IGSF21: variants seen among roughly 807,000 people sequenced by gnomAD.
IGSF21 encodes the protein immunoglobulin superfamily member 21.
In IGSF21, 28 loss-of-function variants were observed where a neutral mutation model predicts 46.8. The ratio of observed to expected loss-of-function variants is 0.60; its 90% CI spans 0.44 to 0.82. The LOEUF (loss-of-function observed/expected upper bound fraction) is 0.82. Ranked by LOEUF, IGSF21 falls within the 40% of genes least tolerant of loss-of-function variation. IGSF21 has a pLI of 0.00. For synonymous variants in IGSF21, 284 were observed against 273.6 expected, an observed-to-expected ratio of 1.04 and a Z score of -0.38; for missense variants, 624 against 665.5, an observed-to-expected ratio of 0.94 and a Z score of 0.69.
chr1:18,117,227 G>T (rs2086196339), intron 1 of IGSF21, among the ~76,000 whole-genome samples: 1 of 152,198 alleles, frequency 6.6e-6, no homozygotes, highest in Non-Finnish European at 1.5e-5. Context: ...TTTGGAGATG[G>T]CCCACTTCTC....
In IGSF21 at chr1:18,206,669, T is replaced by C. The variant is rs114404693; in HGVS notation, c.71-21229T>C. ...AGAGTCCAATGTAGCTGGAGCAGAG[T>C]GGGCCTGAGAAAGTGGTAGAAGTGA... On this transcript the variant is annotated intron_variant, in intron 1 of 9. Transcript: ENST00000251296. Among the ~76,000 whole-genome samples, 400 of 151,382 alleles carry C rather than the reference T, an allele frequency of 2.6e-3. 4 individuals carry two copies. Among genetic ancestry groups the C allele is most frequent in the African/African-American group, 9.6e-3 (396 of 41,180 alleles).
chr1:18,272,634 T>A (rs1488885592), intron 2 of IGSF21, among the ~76,000 whole-genome samples: 1 of 152,202 alleles, frequency 6.6e-6, no homozygotes, highest in African/African-American at 2.4e-5. Context: ...TTTTCCAGCT[T>A]TGGAATGAGT....
intron 1 of IGSF21, among the ~76,000 whole-genome samples, chr1:18,185,170 A>C (rs1180941206): frequency 2.0e-5 from 3 of 152,192 alleles, no homozygotes; most frequent in Non-Finnish European, 4.4e-5. Flanking sequence ...TGTAGGTCCA[A>C]CACTCTGGCT....
At chr1:18,371,287 T>C (rs1410805028) in intron 6 of IGSF21, among the ~76,000 whole-genome samples, 1 of 152,200 alleles carries the variant, frequency 6.6e-6, no homozygotes, top group Admixed American at 6.5e-5. Context: ...AACATGTTGA[T>C]CAGGCTGGGC....
chr1:18,156,682 A>G (rs1005115905), intron 1 of IGSF21, among the ~76,000 whole-genome samples: 1 of 152,226 alleles, frequency 6.6e-6, no homozygotes, highest in Non-Finnish European at 1.5e-5. Context: ...TTAAGGGAAG[A>G]TTCCAAACAA....
At chr1:18,121,559 A>G (rs1165120643) in intron 1 of IGSF21, among the ~76,000 whole-genome samples, 1 of 152,030 alleles carries the variant, frequency 6.6e-6, no homozygotes, top group Non-Finnish European at 1.5e-5. Flanking sequence ...ACCAGTGGCA[A>G]TTTCTTCCCT....
intron 2 of IGSF21, among the ~76,000 whole-genome samples, chr1:18,282,633 C>CAT (rs1287123185): frequency 7.4e-6 from 1 of 135,746 alleles, no homozygotes; most frequent in Non-Finnish European, 1.6e-5. Flanking sequence ...CATCCCCTTA[C>CAT]ATACACACAC....
chr1:18,285,590 G>A (rs772612436), intron 2 of IGSF21, among the ~76,000 whole-genome samples: 8 of 152,152 alleles, frequency 5.3e-5, no homozygotes, highest in Non-Finnish European at 1.0e-4. Context: ...CAACCTTTGG[G>A]ACTTAGAACC....
At chr1:18,138,908 CA>C (rs1227515677) in intron 1 of IGSF21, among the ~76,000 whole-genome samples, 1 of 152,182 alleles carries the variant, frequency 6.6e-6, no homozygotes, top group Non-Finnish European at 1.5e-5. Flanking sequence ...GAGAGAGCCA[CA>C]AAGAGAGTCT....
chr1:18,258,427 G>A (rs1027402468), intron 2 of IGSF21, among the ~76,000 whole-genome samples: 5 of 152,226 alleles, frequency 3.3e-5, no homozygotes, highest in African/African-American at 1.2e-4. Context: ...GACCTTGACA[G>A]TTGGTGCTTT....
chr1:18,177,399 G>GGGGATGGGGTCAGGGAGGTA (rs58599918), intron 1 of IGSF21, among the ~76,000 whole-genome samples: 1 of 54,482 alleles, frequency 1.8e-5, no homozygotes, highest in African/African-American at 8.4e-5. Context: ...TGAGGTGTGT[G>GGGGATGGGGTCAGGGAGGTA]TGTGTGTGTG....
At chr1:18,320,435 A>T (rs2085589744) in intron 3 of IGSF21, among the ~76,000 whole-genome samples, 1 of 152,220 alleles carries the variant, frequency 6.6e-6, no homozygotes, top group South Asian at 2.1e-4. Flanking sequence ...CTTAAGAGGA[A>T]GCTCGGAGTT....
At chr1:18,119,059 G>C (rs1386836083) in intron 1 of IGSF21, among the ~76,000 whole-genome samples, 1 of 152,000 alleles carries the variant, frequency 6.6e-6, no homozygotes, top group African/African-American at 2.4e-5. Context: ...GTATTGATTG[G>C]AACAGTGCAG....
intron 2 of IGSF21, among the ~76,000 whole-genome samples, chr1:18,261,553 T>G (rs1245821580): frequency 6.6e-6 from 1 of 152,132 alleles, no homozygotes; most frequent in African/African-American, 2.4e-5. Context: ...ACACCTTAAT[T>G]TGCATGTAAT....
chr1:18,237,368 C>T (rs1369275720), intron 2 of IGSF21, among the ~76,000 whole-genome samples: 9 of 152,128 alleles, frequency 5.9e-5, no homozygotes, highest in Admixed American at 3.9e-4. Flanking sequence ...TCGAGGGGAG[C>T]GCTTCCCGTC....
At chr1:18,264,702 A>C (rs541615745) in intron 2 of IGSF21, among the ~76,000 whole-genome samples, 1 of 152,314 alleles carries the variant, frequency 6.6e-6, no homozygotes, top group Non-Finnish European at 1.5e-5. Flanking sequence ...TAGCTGAAGG[A>C]ATCATTGAAT....
intron 2 of IGSF21, among the ~76,000 whole-genome samples, chr1:18,285,862 G>A (rs1410544182): frequency 6.6e-6 from 1 of 152,190 alleles, no homozygotes; most frequent in Non-Finnish European, 1.5e-5. Flanking sequence ...ATCTGGCACA[G>A]GGTAGGCGCC....
At chr1:18,155,825 G>A (rs535790751) in intron 1 of IGSF21, among the ~76,000 whole-genome samples, 4 of 152,318 alleles carry the variant, frequency 2.6e-5, no homozygotes, top group South Asian at 2.1e-4. Context: ...AGGCCTGGGC[G>A]CTGACCTGGG....
At chr1:18,243,691 C>A (rs747825233) in intron 2 of IGSF21, among the ~76,000 whole-genome samples, 9 of 152,222 alleles carry the variant, frequency 5.9e-5, no homozygotes, top group Non-Finnish European at 1.2e-4. Flanking sequence ...CACTCCACTA[C>A]CTCCCACCAC....
Sources: gnomAD v4.1 joint callset for allele counts (sites outside exome capture counted in the v4.1 genomes callset) on GRCh38, gnomAD v4.1.1 for gene constraint, MANE v1.5 for transcripts, NCBI Gene and HGNC (gene_info 2026-07-23, HGNC 2026-07-21) for gene names.